Variants in GOLPH3 observed in about 807,000 individuals in gnomAD.
GOLPH3 encodes the protein coat protein GPP34.
A neutral mutation model predicts 28.5 loss-of-function variants in GOLPH3; 14 were observed. The ratio of observed to expected loss-of-function variants is 0.49; its 90% CI spans 0.32 to 0.77. GOLPH3 has a LOEUF of 0.77. Among genes scored for constraint, GOLPH3 ranks in the 30% least tolerant of loss-of-function variants. GOLPH3 has a pLI of 0.03. For missense variants in GOLPH3, 350 were observed against 393.7 expected, an observed-to-expected ratio of 0.89 and a Z score of 0.94; for synonymous variants, 158 against 159.2, an observed-to-expected ratio of 0.99 and a Z score of 0.06.
chr5:32,173,876 G>T lies in GOLPH3; in HGVS notation c.159C>A (p.Gly53=). 2 of 1,527,130 alleles carry T rather than the reference G, an allele frequency of 1.3e-6. No homozygotes were observed. The allele number at this position is 1,527,130 out of a possible 1,614,324, so 94.6% of individuals were successfully genotyped here. A position where few individuals can be genotyped will look rare whatever the true frequency, so the allele number is the denominator to read the frequency against. Residue 53 remains glycine (G), a synonymous_variant, in exon 1 of 4, where the codon GGC becomes GGA. Transcript: ENST00000265070. ...RRDEQDDDDK[G]DSKETRLTLM... ...GGGTCAGCCGCGTTTCCTTGGAGTC[G>T]CCCTTGTCGTCGTCGTCCTGCTCGT...
chr5:32,153,689 A>G (rs768051965), intron 1 of GOLPH3, among the ~76,000 whole-genome samples: 7 of 152,250 alleles, frequency 4.6e-5, no homozygotes, highest in Non-Finnish European at 7.3e-5. Context: ...TATAAAACCC[A>G]GTAAGTTAAA....
intron 1 of GOLPH3, among the ~76,000 whole-genome samples, chr5:32,162,913 C>T (rs1023698954): frequency 2.6e-5 from 4 of 152,064 alleles, no homozygotes; most frequent in African/African-American, 4.8e-5. Context: ...CCCGTCTCTA[C>T]CAAAAATACA....
Position 32,143,827 on chromosome 5 carries a change from C to T in GOLPH3, c.279G>A (p.Met93Ile). Residue 93 changes from methionine to isoleucine, a missense_variant, in exon 2 of 4, where the codon ATG (methionine) becomes ATA (isoleucine). By Grantham distance (10) the Met-to-Ile change is conservative (BLOSUM62 1). Transcript: ENST00000265070. ...TTCCTCTCAATGCTAATTCAATTAA[C>T]ATACAGCCACGTAATCCAGATGATA... ...DCISSGLRGC[M>I]LIELALRGRL... The T allele has an allele frequency of 1.9e-6, 3 of 1,600,590 alleles. No homozygotes were observed.
chr5:32,146,146 C>T (rs1447090511), intron 1 of GOLPH3, among the ~76,000 whole-genome samples: 1 of 151,812 alleles, frequency 6.6e-6, no homozygotes, highest in East Asian at 1.9e-4. Context: ...AAAAATTAGC[C>T]GGGCATGGTG....
At chr5:32,128,229 G>A (rs1745726856) in intron 3 of GOLPH3, among the ~76,000 whole-genome samples, 1 of 152,180 alleles carries the variant, frequency 6.6e-6, no homozygotes, top group African/African-American at 2.4e-5. Flanking sequence ...TGGGAAAAAT[G>A]TGATTGCCAA....
intron 3 of GOLPH3, among the ~76,000 whole-genome samples, chr5:32,130,007 A>C (rs1399932682): frequency 6.6e-6 from 1 of 152,050 alleles, no homozygotes; most frequent in Non-Finnish European, 1.5e-5. Flanking sequence ...ATGCCCAGCT[A>C]ATTTTTTGTA....
chr5:32,147,894 A>G (rs1323893834), intron 1 of GOLPH3, among the ~76,000 whole-genome samples: 6 of 152,216 alleles, frequency 3.9e-5, no homozygotes, highest in Non-Finnish European at 7.3e-5. Flanking sequence ...TCTACCACAT[A>G]CTATATAGTT....
chr5:32,137,580 A>T (rs1379744179), intron 2 of GOLPH3, among the ~76,000 whole-genome samples: 41 of 151,882 alleles, frequency 2.7e-4, no homozygotes, highest in Admixed American at 2.7e-3. Flanking sequence ...AATTGCTTGA[A>T]CCCAGGAGGT....
intron 1 of GOLPH3, among the ~76,000 whole-genome samples, chr5:32,173,588 A>C (rs185694708): frequency 1.3e-5 from 2 of 152,294 alleles, no homozygotes; most frequent in African/African-American, 4.8e-5. Context: ...GGAAAAATCC[A>C]AGCCATCTCT....
At chr5:32,142,252 T>G (rs1335799589) in intron 2 of GOLPH3, among the ~76,000 whole-genome samples, 1 of 146,146 alleles carries the variant, frequency 6.8e-6, no homozygotes, top group East Asian at 2.1e-4. Context: ...ACCTCTGCCC[T>G]GCCGCCCCGT....
intron 2 of GOLPH3, among the ~76,000 whole-genome samples, chr5:32,136,202 G>A (rs1233956080): frequency 6.6e-6 from 1 of 151,918 alleles, no homozygotes; most frequent in Non-Finnish European, 1.5e-5. Flanking sequence ...GCTACTGGCC[G>A]GGCATGGTGG....
At chr5:32,133,968 G>A (rs142579875) in intron 3 of GOLPH3, among the ~76,000 whole-genome samples, 5 of 152,230 alleles carry the variant, frequency 3.3e-5, no homozygotes, top group Non-Finnish European at 7.4e-5. Context: ...TCAAGAATAC[G>A]TTTACGTTCT....
chr5:32,156,853 G>A lies in GOLPH3; in HGVS notation c.226-12973C>T, dbSNP rs375232800. 1.2e-4 allele frequency among the ~76,000 whole-genome samples: 18 copies of A among 152,262 alleles called. No individual in the cohort carries two copies. In the South Asian group the frequency reaches 3.7e-3, roughly 32 times the overall value. ...TGCTGTGCAACCTAGTTCCTAACAG[G>A]CCACAGACCAGTACCGGTCCATAGC... is the stretch of plus-strand genomic sequence containing the variant. On this transcript the variant is annotated intron_variant, in intron 1 of 3. Coordinates refer to ENST00000265070, the MANE Select transcript of GOLPH3 (RefSeq NM_022130.4).
intron 2 of GOLPH3, among the ~76,000 whole-genome samples, chr5:32,136,394 T>C (rs900839277): frequency 3.3e-5 from 5 of 151,698 alleles, no homozygotes; most frequent in African/African-American, 7.3e-5. Flanking sequence ...GGCAGGAGAA[T>C]TGCTTGAACC....
intron 1 of GOLPH3, among the ~76,000 whole-genome samples, chr5:32,172,818 G>C (rs896309459): frequency 6.6e-6 from 1 of 152,200 alleles, no homozygotes; most frequent in African/African-American, 2.4e-5. Flanking sequence ...CCGAGATCGC[G>C]GCATTGCACT....
intron 1 of GOLPH3, 73 bp from the exon 2 acceptor site, chr5:32,143,953 T>TGACTTTGGCTGA: frequency 9.6e-7 from 1 of 1,039,368 alleles, no homozygotes; most frequent in Non-Finnish European, 1.3e-6. Context: ...AACAGAAATA[T>TGACTTTGGCTGA]TATCAGCCAA....
Position 32,132,334 on chromosome 5 carries a change from GTTCT to G in GOLPH3, c.472+3234_472+3237del, listed in dbSNP as rs746529260. Among the ~76,000 whole-genome samples, 25 of 152,192 alleles carry G rather than the reference GTTCT, an allele frequency of 1.6e-4. No individual in the cohort carries two copies. The South Asian group carries it at 2.9e-3, about 18-fold the overall frequency. ...ATCCTCCACCCCAGGTAAAGAAACTGTTCTTTATTAAAACATTCCTTGGCTTCAC... is the reference window on the plus strand; with the variant it reads ...ATCCTCCACCCCAGGTAAAGAAACTGTTATTAAAACATTCCTTGGCTTCAC... On this transcript the variant is annotated intron_variant, in intron 3 of 3. Transcript: ENST00000265070.
chr5:32,145,371 A>T (rs1258226557), intron 1 of GOLPH3, among the ~76,000 whole-genome samples: 1 of 152,238 alleles, frequency 6.6e-6, no homozygotes, highest in Non-Finnish European at 1.5e-5. Context: ...GAAGATTACC[A>T]GAGATTTAGC....
At chr5:32,133,182 T>C (rs1053416092) in intron 3 of GOLPH3, among the ~76,000 whole-genome samples, 1 of 152,270 alleles carries the variant, frequency 6.6e-6, no homozygotes, top group Non-Finnish European at 1.5e-5. Context: ...CTTCTCATCT[T>C]TTCACTGCTT....
Sources: gnomAD v4.1 joint callset for allele counts (sites outside exome capture counted in the v4.1 genomes callset) on GRCh38, gnomAD v4.1.1 for gene constraint, MANE v1.5 for transcripts, NCBI Gene and HGNC (gene_info 2026-07-23, HGNC 2026-07-21) for gene names.